Variants in SAMD13 observed in about 807,000 individuals in gnomAD.
The protein encoded by SAMD13 is sterile alpha motif domain containing 13, also known as sterile alpha motif domain-containing protein 13.
Under a neutral mutation model 12.4 loss-of-function variants are expected in SAMD13, and 9 were observed. The ratio of observed to expected loss-of-function variants is 0.72; its 90% CI spans 0.44 to 1.26. The LOEUF is 1.26. SAMD13 is among the 50% of genes most tolerant of loss of function. SAMD13 has a pLI of 0.00. For synonymous variants in SAMD13, 46 were observed against 45.4 expected, an observed-to-expected ratio of 1.01 and a Z score of -0.05; for missense variants, 84 against 119.6, an observed-to-expected ratio of 0.70 and a Z score of 1.39.
intron 3 of SAMD13, among the ~76,000 whole-genome samples, chr1:84,337,933 G>T (rs953402008): frequency 6.6e-6 from 1 of 152,100 alleles, no homozygotes; most frequent in Non-Finnish European, 1.5e-5. Flanking sequence ...TCTAGGGCAG[G>T]GGCAAAATGC....
intron 2 of SAMD13, among the ~76,000 whole-genome samples, chr1:84,316,359 A>T (rs562199713): frequency 1.3e-5 from 2 of 152,258 alleles, no homozygotes; most frequent in African/African-American, 2.4e-5. Flanking sequence ...TTCAAGTCTT[A>T]TGTTTAAGTC....
rs75480629 is a variant in SAMD13, at chr1:84,339,560, G to A, written c.166-10071G>A. On this transcript the variant is annotated intron_variant, in intron 3 of 3. Transcript: ENST00000394834. ...TGGTTAGCAACCTGCTTTACTGGAG[G>A]GGTCGAGGTATTCCCTGTCTGCTGG... Among the ~76,000 whole-genome samples the A allele has an allele frequency of 7.7e-3, 1,173 of 152,268 alleles. 17 individuals carry two copies. Among genetic ancestry groups the A allele is most frequent in the African/African-American group, 0.027 (1,110 of 41,548 alleles).
chr1:84,344,478 C>A (rs1037010312), intron 3 of SAMD13, among the ~76,000 whole-genome samples: 1 of 152,050 alleles, frequency 6.6e-6, no homozygotes, highest in South Asian at 2.1e-4. Context: ...AGAAGGTGGG[C>A]GGGAGTGGAG....
chr1:84,341,538 T>C (rs572378240), intron 3 of SAMD13, among the ~76,000 whole-genome samples: 98 of 152,274 alleles, frequency 6.4e-4, no homozygotes, highest in African/African-American at 2.2e-3. Context: ...GCTGGATTGC[T>C]GGACTCATCC....
intron 2 of SAMD13, among the ~76,000 whole-genome samples, chr1:84,309,222 T>G (rs570855292): frequency 6.6e-6 from 1 of 152,310 alleles, no homozygotes; most frequent in African/African-American, 2.4e-5. Flanking sequence ...ATAACTCTTT[T>G]TTCTTCATAC....
At chr1:84,321,657 A>C (rs17535959) in intron 2 of SAMD13, among the ~76,000 whole-genome samples, 1 of 152,216 alleles carries the variant, frequency 6.6e-6, no homozygotes, top group African/African-American at 2.4e-5. Flanking sequence ...GGAAATAACT[A>C]AAGCTAAGTG....
chr1:84,345,065 T>C (rs188030186), intron 3 of SAMD13: 14 of 456,684 alleles, frequency 3.1e-5, no homozygotes, highest in African/African-American at 2.6e-4. Context: ...GATTTTCCAC[T>C]TTTTTATCTC....
intron 2 of SAMD13, among the ~76,000 whole-genome samples, chr1:84,313,460 A>G (rs1678760594): frequency 6.6e-6 from 1 of 152,250 alleles, no homozygotes; most frequent in South Asian, 2.1e-4. Flanking sequence ...TATTCAAATC[A>G]TGAGAATTCA....
chr1:84,301,520 T>A (rs910810856), upstream of SAMD13: 4 of 708,152 alleles, frequency 5.6e-6, no homozygotes, highest in Non-Finnish European at 6.9e-6. Context: ...TTGGACTCCT[T>A]ACTCATTTCT....
chr1:84,300,033 G>C (rs77377090), upstream of SAMD13, among the ~76,000 whole-genome samples: 2,254 of 152,190 alleles, frequency 0.015, 44 homozygotes, highest in South Asian at 0.069. Context: ...TTTGTTCTGA[G>C]CAGCACTGTC....
chr1:84,320,638 G>A (rs2101800977), intron 2 of SAMD13, among the ~76,000 whole-genome samples: 1 of 152,274 alleles, frequency 6.6e-6, no homozygotes, highest in East Asian at 1.9e-4. Context: ...TTAGCCAGAG[G>A]CTGTTTTAAG....
At chr1:84,303,795 G>A (rs183546838) in intron 2 of SAMD13, 1 of 152,566 alleles carries the variant, frequency 6.6e-6, no homozygotes, top group East Asian at 1.9e-4. Context: ...CATACATGGT[G>A]TTTATTTTAA....
At chr1:84,335,432 C>T (rs1008280638) in intron 3 of SAMD13, among the ~76,000 whole-genome samples, 19 of 151,962 alleles carry the variant, frequency 1.3e-4, no homozygotes, top group African/African-American at 3.6e-4. Context: ...TGAGCCTGTG[C>T]GTGTCATTAC....
intron 3 of SAMD13, among the ~76,000 whole-genome samples, chr1:84,339,268 GT>G (rs924891352): frequency 1.3e-5 from 2 of 151,536 alleles, no homozygotes; most frequent in Non-Finnish European, 2.9e-5. Flanking sequence ...GTTTTGTTTT[GT>G]TTTTTGTTTT....
chr1:84,322,014 G>T (rs1678957363), intron 2 of SAMD13, among the ~76,000 whole-genome samples: 1 of 152,206 alleles, frequency 6.6e-6, no homozygotes, highest in Non-Finnish European at 1.5e-5. Flanking sequence ...AGTGTTGAGG[G>T]CAATAAATGC....
chr1:84,344,346 T>C (rs1357621458), intron 3 of SAMD13, among the ~76,000 whole-genome samples: 2 of 152,098 alleles, frequency 1.3e-5, no homozygotes, highest in Non-Finnish European at 2.9e-5. Flanking sequence ...CTCCCCACAG[T>C]GTATATTATC....
rs565395101 is a variant in SAMD13 at position 84,317,590 on chromosome 1, C to T, written c.54-8047C>T. Among the ~76,000 whole-genome samples the T allele has an allele frequency of 2.0e-4, 30 of 151,996 alleles. No individual in the cohort carries two copies. In the South Asian group the frequency reaches 3.7e-3, roughly 19 times the overall value. On this transcript the variant is annotated intron_variant, in intron 2 of 3. Coordinates refer to ENST00000394834, the MANE Select transcript of SAMD13 (RefSeq NM_001134663.2). ...GATCTTTTTAACATACTGTTGAATT[C>T]GGTTTGCTGGTATTTTGTTGAGGAT...
At chr1:84,343,452 C>T (rs993131579) in intron 3 of SAMD13, among the ~76,000 whole-genome samples, 1 of 152,180 alleles carries the variant, frequency 6.6e-6, no homozygotes. Flanking sequence ...ATGGAATTAA[C>T]CCAAATGCCC....
At chr1:84,321,657 A>G (rs17535959) in intron 2 of SAMD13, among the ~76,000 whole-genome samples, 1,711 of 152,330 alleles carry the variant, frequency 0.011, 25 homozygotes, top group Non-Finnish European at 0.018. Flanking sequence ...GGAAATAACT[A>G]AAGCTAAGTG....
Sources: gnomAD v4.1 joint callset for allele counts (sites outside exome capture counted in the v4.1 genomes callset) on GRCh38, gnomAD v4.1.1 for gene constraint, MANE v1.5 for transcripts, NCBI Gene and HGNC (gene_info 2026-07-23, HGNC 2026-07-21) for gene names.